The following FAM151A variants were observed in gnomAD, a reference collection of about 807,000 sequenced individuals.
FAM151A encodes family with sequence similarity 151 member A.
FAM151A carries 41 observed loss-of-function variants against 40.4 expected under a neutral mutation model. The ratio of observed to expected loss-of-function variants is 1.01; its 90% CI spans 0.79 to 1.32. The LOEUF is 1.32. Ranked by LOEUF, FAM151A falls within the 40% of genes most tolerant of loss-of-function variation. The probability of loss-of-function intolerance (pLI) is 0.00; values close to 1 mark genes in which losing one functional copy is unlikely to be tolerated. For missense variants in FAM151A, 740 were observed against 740.4 expected, an observed-to-expected ratio of 1.00 and a Z score of 0.01; for synonymous variants, 337 against 312.5, an observed-to-expected ratio of 1.08 and a Z score of -0.83.
In FAM151A at chr1:54,609,220, G is replaced by A. The variant is rs545983046; in HGVS notation, c.*48C>T. On this transcript the variant is annotated 3_prime_UTR_variant, in exon 8 of 8. Transcript: ENST00000302250. ...GACCTTTATTTCTTCCTGCCTCCCC[G>A]TGGGAAGCCTCCGCCCTGAGGTCCG... 26 of 1,590,224 alleles carry A rather than the reference G, an allele frequency of 1.6e-5. No homozygotes were observed. The highest frequency in any genetic ancestry group is 1.9e-5 in the Non-Finnish European group (22 of 1,166,900).
Position 54,614,943 on chromosome 1 carries a change from T to TGTGTGTGC in FAM151A, c.416-85_416-84insGCACACAC, listed in dbSNP as rs575934917. On this transcript the variant is annotated intron_variant, in intron 3 of 7. Coordinates refer to ENST00000302250, the MANE Select transcript of FAM151A (RefSeq NM_176782.3). ...CCCTGGGCAGAAAGCAGAGCGGGTG[T>TGTGTGTGC]GTGTGTGTGTGCATGTGCGTGCACA... is the stretch of plus-strand genomic sequence containing the variant. The TGTGTGTGC allele has an allele frequency of 3.0e-4, 157 of 525,026 alleles. 3 individuals carry two copies. The highest frequency in any genetic ancestry group is 3.6e-4 in the Non-Finnish European group (134 of 376,158). The allele number at this position is 525,026 out of a possible 1,614,324, so 32.5% of individuals were successfully genotyped here.
Position 54,623,262 on chromosome 1 carries a change from G to T in FAM151A, c.118+16C>A, listed in dbSNP as rs370931124. On this transcript the variant is annotated intron_variant, in intron 1 of 7. Transcript: ENST00000302250. ...TGAGGGAAGCCACTCAGGATGACAT[G>T]GGGGGAGGCACCTACCTGGCCGCCG... 6.3e-7 allele frequency: 1 copy of T among 1,579,876 alleles called. No homozygotes were observed. Among genetic ancestry groups the T allele is most frequent in the South Asian group, 1.1e-5 (1 of 90,234 alleles).
intron 1 of FAM151A, among the ~76,000 whole-genome samples, chr1:54,620,776 G>A (rs71637858): frequency 1.4e-5 from 2 of 145,948 alleles, no homozygotes; most frequent in Non-Finnish European, 3.0e-5. Flanking sequence ...CTGAACCCGA[G>A]AGGTGGAGGT....
At chr1:54,622,871 G>C (rs775156378) in intron 1 of FAM151A, among the ~76,000 whole-genome samples, 3 of 151,868 alleles carry the variant, frequency 2.0e-5, no homozygotes, top group Non-Finnish European at 4.4e-5. Context: ...TGGTGGGGAC[G>C]AGGGCTCAAG....
chr1:54,619,088 C>G (rs969558770), intron 2 of FAM151A, among the ~76,000 whole-genome samples: 2 of 152,178 alleles, frequency 1.3e-5, no homozygotes, highest in Non-Finnish European at 2.9e-5. Context: ...AAGGAGTTTG[C>G]TTGAGCAGTG....
Position 54,609,420 on chromosome 1 carries a change from T to C in FAM151A, c.1606A>G (p.Thr536Ala). ...GCTGGGTTGTGCTCCACTGTGACGG[T>C]GGCCCGGGGGGAGGATGCCAGCAGC... ...GRLLASSPRA[T>A]VTVEHNPAGG... Residue 536 changes from threonine to alanine, a missense_variant, in exon 8 of 8, where the codon ACC becomes GCC. Coordinates refer to ENST00000302250, the MANE Select transcript of FAM151A (RefSeq NM_176782.3). 6.2e-7 allele frequency: 1 copy of C among 1,613,930 alleles called. No individual in the cohort carries two copies. Among genetic ancestry groups the C allele is most frequent in the Non-Finnish European group, 8.5e-7 (1 of 1,180,014 alleles).
Position 54,612,685 on chromosome 1 carries a change from A to G in FAM151A, c.601T>C (p.Tyr201His). 6.2e-7 allele frequency: 1 copy of G among 1,613,856 alleles called. No individual in the cohort carries two copies. The highest frequency in any genetic ancestry group is 8.5e-7 in the Non-Finnish European group (1 of 1,179,944). Residue 201 changes from tyrosine (Y) to histidine (H), a missense_variant, in exon 5 of 8, where the codon TAT (tyrosine) becomes CAT (histidine). Tyr to His is a moderately conservative substitution (Grantham distance 83). Coordinates refer to ENST00000302250, the MANE Select transcript of FAM151A (RefSeq NM_176782.3). ...CCTGGAGATAGGGTAGCCTTGGGATACTTCTCCTGGACCAGGGCCAGGAAC... is the reference window on the plus strand; with the variant it reads ...CCTGGAGATAGGGTAGCCTTGGGATGCTTCTCCTGGACCAGGGCCAGGAAC... ...TQFLALVQEK[Y>H]PKATLSPGWT...
chr1:54,609,678 C>T lies in FAM151A; in HGVS notation c.1348G>A (p.Gly450Arg), dbSNP rs779194676. ...PVWVGAKISHGSFSVPGHVAG... is the reference protein window; with the variant it reads ...PVWVGAKISHRSFSVPGHVAG... ...ACATGGCCGGGGACCGAAAAACTCCCGTGGGAGATTTTGGCCCCAACCCAC... is the reference window on the plus strand; with the variant it reads ...ACATGGCCGGGGACCGAAAAACTCCTGTGGGAGATTTTGGCCCCAACCCAC... The change falls in exon 8 of 8, where the codon GGG becomes AGG. Residue 450 changes from glycine to arginine, a missense_variant. Transcript: ENST00000302250. 5.0e-6 allele frequency: 8 copies of T among 1,613,924 alleles called. No homozygotes were observed. The African/African-American group carries it at 6.7e-5, about 13-fold the overall frequency.
In FAM151A at chr1:54,609,251, C is replaced by G. The variant is rs201744943; in HGVS notation, c.*17G>C. 5.0e-6 allele frequency: 8 copies of G among 1,595,316 alleles called. No individual in the cohort carries two copies. The African/African-American group carries it at 8.1e-5, about 16-fold the overall frequency. Reference sequence around the variant, plus strand: ...AGCCTCCGCCCTGAGGTCCGCTGGCCCACCACCCCTGGGTGCTCAGTTTCT... The same window carrying G: ...AGCCTCCGCCCTGAGGTCCGCTGGCGCACCACCCCTGGGTGCTCAGTTTCT... On this transcript the variant is annotated 3_prime_UTR_variant, in exon 8 of 8. Coordinates refer to ENST00000302250, the MANE Select transcript of FAM151A (RefSeq NM_176782.3).
In FAM151A at chr1:54,623,275, T is replaced by C. The variant is rs1295616972; in HGVS notation, c.118+3A>G. 1.2e-6 allele frequency: 2 copies of C among 1,611,152 alleles called. No homozygotes were observed. Among genetic ancestry groups the C allele is most frequent in the Non-Finnish European group, 1.7e-6 (2 of 1,177,786 alleles). On this transcript the variant is annotated splice_donor_region_variant and intron_variant, in intron 1 of 7. Coordinates refer to ENST00000302250, the MANE Select transcript of FAM151A (RefSeq NM_176782.3). ...TCAGGATGACATGGGGGGAGGCACC[T>C]ACCTGGCCGCCGCAGGGTGATGGCA...
At chr1:54,617,322 G>GA (rs1322074927) in intron 2 of FAM151A, among the ~76,000 whole-genome samples, 1 of 152,108 alleles carries the variant, frequency 6.6e-6, no homozygotes, top group Non-Finnish European at 1.5e-5. Flanking sequence ...ACTGATGCCA[G>GA]AAGGGGCCTT....
At position 54,609,574 on chromosome 1, in the gene FAM151A, C is replaced by T. The variant is rs770332119; in HGVS notation, c.1452G>A (p.Val484=). 3 of 1,612,962 alleles carry T rather than the reference C, an allele frequency of 1.9e-6. No homozygotes were observed. The highest frequency in any genetic ancestry group is 2.5e-6 in the Non-Finnish European group (3 of 1,180,032). The change falls in exon 8 of 8, where the codon GTG becomes GTA. Residue 484 remains valine, a synonymous_variant. Coordinates refer to ENST00000302250, the MANE Select transcript of FAM151A (RefSeq NM_176782.3). The stretch of plus-strand genomic sequence containing the variant: ...GCTGTTCCCTGTAGCCACTGCCCAG[C>T]ACCTCCTCAGGCCAGCCTGGTGCCA... ...VTVAPGWPEE[V]LGSGYREQLL...
intron 1 of FAM151A, among the ~76,000 whole-genome samples, chr1:54,622,457 A>G (rs1320964440): frequency 6.6e-6 from 1 of 152,060 alleles, no homozygotes; most frequent in African/African-American, 2.4e-5. Flanking sequence ...GCACGCCTGT[A>G]GTCCCAGCTA....
rs142550424 is a variant in FAM151A at position 54,609,913 on chromosome 1, A to G, written c.1113T>C (p.Thr371=). The G allele has an allele frequency of 4.5e-5, 72 of 1,608,310 alleles. No individual in the cohort carries two copies. Among genetic ancestry groups the G allele is most frequent in the Non-Finnish European group, 5.8e-5 (69 of 1,179,604 alleles). The change falls in exon 8 of 8, where the codon ACT becomes ACC. Residue 371 remains threonine, a synonymous_variant. Coordinates refer to ENST00000302250, the MANE Select transcript of FAM151A (RefSeq NM_176782.3). Reference sequence around the variant, plus strand: ...TTTCAGCCACAGTTCCCTCGAGGCCAGTGTTCAGCAGGATCATGCCTTCTG... The same window carrying G: ...TTTCAGCCACAGTTCCCTCGAGGCCGGTGTTCAGCAGGATCATGCCTTCTG... ...PDTEGMILLN[T]GLEGTVAENP...
At chr1:54,622,749 T>A (rs1203230460) in intron 1 of FAM151A, among the ~76,000 whole-genome samples, 2,083 of 150,634 alleles carry the variant, frequency 0.014, 27 homozygotes, top group South Asian at 0.023. Flanking sequence ...TCAAAAAAAA[T>A]AGTTAACGGG....
chr1:54,618,809 T>C (rs2101023342), intron 2 of FAM151A, among the ~76,000 whole-genome samples: 1 of 152,316 alleles, frequency 6.6e-6, no homozygotes, highest in Non-Finnish European at 1.5e-5. Flanking sequence ...ACCCTAACAC[T>C]TTCCAGCTGT....
At chr1:54,618,372 T>C (rs1334768796) in intron 2 of FAM151A, among the ~76,000 whole-genome samples, 1 of 152,052 alleles carries the variant, frequency 6.6e-6, no homozygotes, top group East Asian at 1.9e-4. Context: ...GGCATGGTAG[T>C]GGGTTCCTGT....
Position 54,610,792 on chromosome 1 carries a change from T to C in FAM151A, c.941-237A>G, listed in dbSNP as rs1267153838. ...CCTGATGGGACCAGGTCTGCCTGGC[T>C]CCAGAGCTGGTATCCTTCCCGCTCG... On this transcript the variant is annotated intron_variant, in intron 6 of 7. Coordinates refer to ENST00000302250, the MANE Select transcript of FAM151A (RefSeq NM_176782.3). 3.0e-6 allele frequency: 3 copies of C among 984,712 alleles called. No individual in the cohort carries two copies. In the African/African-American group the frequency reaches 5.2e-5, roughly 17 times the overall value. The allele number at this position is 984,712 out of a possible 1,614,324, so 61.0% of individuals were successfully genotyped here.
chr1:54,616,129 G>A lies in FAM151A; in HGVS notation c.306C>T (p.Leu102=), dbSNP rs760514214. The part of the protein sequence containing the change: ...VLEADVNVEG[L]GTANETGVPI... ...GAACTCCTGTCTCATTGGCTGTGCCGAGCCCTTCTACATTGACGTCAGCCT... is the reference window on the plus strand; with the variant it reads ...GAACTCCTGTCTCATTGGCTGTGCCAAGCCCTTCTACATTGACGTCAGCCT... The change falls in exon 3 of 8, where the codon CTC becomes CTT. Residue 102 remains leucine (L), a synonymous_variant. Transcript: ENST00000302250. 5.1e-5 allele frequency: 82 copies of A among 1,614,142 alleles called. 1 individual carries two copies. In the South Asian group the frequency reaches 5.3e-4, roughly 10 times the overall value.
Sources: allele counts gnomAD v4.1 joint callset (sites outside exome capture counted in the v4.1 genomes callset), GRCh38; gene constraint gnomAD v4.1.1; transcripts MANE v1.5; gene names NCBI Gene and HGNC (gene_info 2026-07-23, HGNC 2026-07-21).